The following FAM81A variants were observed in gnomAD, a reference collection of about 807,000 sequenced individuals.
FAM81A encodes the protein family with sequence similarity 81 member A.
FAM81A carries 19 observed loss-of-function variants against 46.7 expected under a neutral mutation model. The ratio of observed to expected loss-of-function variants is 0.41; its 90% CI spans 0.28 to 0.60. FAM81A has a LOEUF of 0.60. Ranked by LOEUF, FAM81A falls within the 20% of genes least tolerant of loss-of-function variation. The pLI is 0.34. For missense variants in FAM81A, 377 were observed against 453.5 expected (o/e 0.83, Z 1.53); for synonymous variants, 183 against 152.9 (o/e 1.20, Z -1.45).
At chr15:59,411,862 C>T (rs994341878) in intron 2 of FAM81A, among the ~76,000 whole-genome samples, 1 of 151,846 alleles carries the variant, frequency 6.6e-6, no homozygotes, top group East Asian at 1.9e-4. Context: ...TGCAGTGAGC[C>T]GAGACTGCAC....
At chr15:59,515,742 A>G (rs554533342) in intron 7 of FAM81A, among the ~76,000 whole-genome samples, 1 of 152,356 alleles carries the variant, frequency 6.6e-6, no homozygotes, top group South Asian at 2.1e-4. Context: ...ATACATTTGT[A>G]CTAATAATTC....
intron 3 of FAM81A, among the ~76,000 whole-genome samples, chr15:59,464,785 G>T (rs1461404832): frequency 2.0e-5 from 3 of 152,092 alleles, no homozygotes; most frequent in Non-Finnish European, 4.4e-5. Flanking sequence ...TTTGTGGATT[G>T]CTTCCTTTAT....
chr15:59,443,519 C>T (rs1030690735), intron 1 of FAM81A, among the ~76,000 whole-genome samples: 1 of 152,174 alleles, frequency 6.6e-6, no homozygotes, highest in Non-Finnish European at 1.5e-5. Flanking sequence ...AACCTTGACA[C>T]GTTTGAAGGG....
intron 2 of FAM81A, among the ~76,000 whole-genome samples, chr15:59,424,869 T>G (rs1376588221): frequency 6.6e-6 from 1 of 152,124 alleles, no homozygotes; most frequent in Non-Finnish European, 1.5e-5. Flanking sequence ...CTCTTCCTTC[T>G]CTTATGCCCT....
chr15:59,434,195 A>G (rs1445709541), upstream of FAM81A, among the ~76,000 whole-genome samples: 1 of 152,238 alleles, frequency 6.6e-6, no homozygotes, highest in Non-Finnish European at 1.5e-5. Flanking sequence ...TATGGCAATA[A>G]TGAAAGGAAT....
intron 3 of FAM81A, among the ~76,000 whole-genome samples, chr15:59,482,155 GT>G (rs554738016): frequency 3.3e-5 from 5 of 151,964 alleles, no homozygotes; most frequent in Non-Finnish European, 2.9e-5. Flanking sequence ...AAAAATGTGT[GT>G]TTTTTTAAGC....
intron 3 of FAM81A, among the ~76,000 whole-genome samples, chr15:59,469,331 T>G (rs564606680): frequency 6.6e-6 from 1 of 152,282 alleles, no homozygotes; most frequent in South Asian, 2.1e-4. Context: ...CCCATTATTA[T>G]TGTATGGGAG....
At chr15:59,472,264 C>T (rs2081703295) in intron 3 of FAM81A, among the ~76,000 whole-genome samples, 1 of 151,996 alleles carries the variant, frequency 6.6e-6, no homozygotes. Context: ...ATCGTTGAAC[C>T]TCGGAGGTTG....
chr15:59,455,847 T>C (rs2081477286), intron 1 of FAM81A, among the ~76,000 whole-genome samples: 2 of 152,192 alleles, frequency 1.3e-5, no homozygotes, highest in Non-Finnish European at 2.9e-5. Flanking sequence ...GTCTAATATT[T>C]GGGATTCAGT....
At chr15:59,401,747 G>T (rs1596456674) in intron 1 of FAM81A, 1 of 757,030 alleles carries the variant, frequency 1.3e-6, no homozygotes, top group East Asian at 2.5e-5. Flanking sequence ...GGCAGGTACT[G>T]CTCCCTGTGG....
At chr15:59,450,872 G>C (rs1252962701) in intron 1 of FAM81A, among the ~76,000 whole-genome samples, 1 of 152,170 alleles carries the variant, frequency 6.6e-6, no homozygotes, top group African/African-American at 2.4e-5. Flanking sequence ...TAGAACCCCA[G>C]CTGACTCCAA....
intron 1 of FAM81A, among the ~76,000 whole-genome samples, chr15:59,456,043 A>G (rs2081479483): frequency 6.6e-6 from 1 of 152,164 alleles, no homozygotes; most frequent in Non-Finnish European, 1.5e-5. Context: ...TTAGTAGGGG[A>G]GCTAGACTAT....
intron 1 of FAM81A, among the ~76,000 whole-genome samples, chr15:59,449,604 A>T (rs962677043): frequency 6.6e-6 from 1 of 151,970 alleles, no homozygotes; most frequent in African/African-American, 2.4e-5. Context: ...ACACAGTGAA[A>T]CCCCGTCTCT....
chr15:59,429,209 C>T (rs1363589180), intron 2 of FAM81A, among the ~76,000 whole-genome samples: 3 of 152,088 alleles, frequency 2.0e-5, no homozygotes, highest in African/African-American at 7.2e-5. Context: ...TATTTAGTGC[C>T]TGGAAAATTT....
intron 1 of FAM81A, among the ~76,000 whole-genome samples, chr15:59,445,939 GC>G (rs1266314011): frequency 6.6e-6 from 1 of 152,204 alleles, no homozygotes; most frequent in Non-Finnish European, 1.5e-5. Context: ...GGGTGTGAGT[GC>G]CCGGGCCCAC....
intron 2 of FAM81A, among the ~76,000 whole-genome samples, chr15:59,420,309 G>T (rs1350803065): frequency 1.3e-5 from 2 of 152,196 alleles, no homozygotes; most frequent in Non-Finnish European, 2.9e-5. Flanking sequence ...CCCAGCTTAT[G>T]CCACTGTAAC....
chr15:59,429,401 C>A (rs74328623), intron 2 of FAM81A, among the ~76,000 whole-genome samples: 1 of 151,864 alleles, frequency 6.6e-6, no homozygotes, highest in Non-Finnish European at 1.5e-5. Context: ...CTCTGAGCAC[C>A]CTTATTGGTC....
intron 2 of FAM81A, among the ~76,000 whole-genome samples, chr15:59,420,097 A>G (rs1596463529): frequency 6.6e-6 from 1 of 152,350 alleles, no homozygotes; most frequent in African/African-American, 2.4e-5. Flanking sequence ...AATCCATTGC[A>G]GGATAAAAAT....
chr15:59,489,327 AT>A, intron 3 of FAM81A, among the ~76,000 whole-genome samples: 1 of 152,058 alleles, frequency 6.6e-6, no homozygotes, highest in Non-Finnish European at 1.5e-5. Flanking sequence ...ACATACATAC[AT>A]ACATACCTGT....
Sources: allele counts gnomAD v4.1 joint callset (sites outside exome capture counted in the v4.1 genomes callset), GRCh38; gene constraint gnomAD v4.1.1; transcripts MANE v1.5; gene names NCBI Gene and HGNC (gene_info 2026-07-23, HGNC 2026-07-21).